The following ANK3 variants were observed in gnomAD, a reference collection of about 807,000 sequenced individuals.
ANK3 encodes the protein ankyrin 3.
In ANK3, 57 loss-of-function variants were observed where a neutral mutation model predicts 370.9. The ratio of observed to expected loss-of-function variants is 0.15; its 90% CI spans 0.12 to 0.19. The LOEUF is 0.19. Ranked by LOEUF, ANK3 falls within the 10% of genes least tolerant of loss-of-function variation. The pLI is 1.00. For missense variants in ANK3, 4,439 were observed against 5,302.1 expected (o/e 0.84, Z 5.06); for synonymous variants, 1,929 against 1,946.3 (o/e 0.99, Z 0.23).
chr10:60,439,923 G>T (rs78554060), intron 2 of ANK3, among the ~76,000 whole-genome samples: 14,206 of 152,152 alleles, frequency 0.093, 813 homozygotes, highest in South Asian at 0.16. Flanking sequence ...CCTAAACCAA[G>T]TGTAGCACAT....
At chr10:60,200,055 T>C in intron 13 of ANK3, 74 bp downstream of exon 13, 1 of 1,107,078 alleles carries the variant, frequency 9.0e-7, no homozygotes, top group South Asian at 1.3e-5. Context: ...AGACTGCATG[T>C]ATATACTTAA....
chr10:60,104,357 CAAAAAAAAAAAAAAAAAAAA>C (rs747064489), intron 28 of ANK3, among the ~76,000 whole-genome samples: 2 of 53,726 alleles, frequency 3.7e-5, no homozygotes, highest in Admixed American at 3.1e-4. Flanking sequence ...GACTCCATCT[CAAAAAAAAAAAAAAAAAAAA>C]AAAAAAAAAA....
chr10:60,426,895 C>T (rs909666597), intron 2 of ANK3, among the ~76,000 whole-genome samples: 6 of 152,034 alleles, frequency 3.9e-5, no homozygotes, highest in Non-Finnish European at 5.9e-5. Flanking sequence ...AAGGAAGAGG[C>T]TGAAATTTAA....
intron 1 of ANK3, among the ~76,000 whole-genome samples, chr10:60,649,583 T>C (rs2078759894): frequency 6.6e-6 from 1 of 152,230 alleles, no homozygotes; most frequent in African/African-American, 2.4e-5. Flanking sequence ...CTTTGAAATC[T>C]AGAACTAGTT....
intron 2 of ANK3, among the ~76,000 whole-genome samples, chr10:60,522,218 G>A (rs989332611): frequency 6.6e-6 from 1 of 151,976 alleles, no homozygotes; most frequent in East Asian, 1.9e-4. Context: ...ACCCACAAGC[G>A]CCTCCGTTTA....
chr10:60,260,459 TAAG>T (rs2097787447), intron 7 of ANK3, among the ~76,000 whole-genome samples: 1 of 152,184 alleles, frequency 6.6e-6, no homozygotes. Context: ...ATTTCTCTTC[TAAG>T]AAGTGAGGGT....
intron 1 of ANK3, among the ~76,000 whole-genome samples, chr10:60,651,514 C>A (rs556535805): frequency 6.6e-6 from 1 of 152,290 alleles, no homozygotes; most frequent in Admixed American, 6.5e-5. Flanking sequence ...TGCAAATGAA[C>A]TTCATGTTCT....
intron 8 of ANK3, among the ~76,000 whole-genome samples, chr10:60,225,019 C>T (rs1438435612): frequency 1.3e-5 from 2 of 151,286 alleles, no homozygotes; most frequent in Non-Finnish European, 2.9e-5. Context: ...GTTCAAGCAA[C>T]TCTCATGCAT....
intron 1 of ANK3, among the ~76,000 whole-genome samples, chr10:60,337,293 T>C (rs180736920): frequency 3.9e-5 from 6 of 152,262 alleles, no homozygotes; most frequent in African/African-American, 1.4e-4. Context: ...GGTAGTTCCA[T>C]GTCTTCCATG....
chr10:60,278,247 T>G (rs1192617134), intron 4 of ANK3, among the ~76,000 whole-genome samples: 1 of 152,226 alleles, frequency 6.6e-6, no homozygotes, highest in African/African-American at 2.4e-5. Context: ...TGTAAGACCC[T>G]GCATTACAGA....
rs187448353 is a variant in ANK3 at position 60,510,539 on chromosome 10, T to C, written c.96+104647A>G. On this transcript the variant is annotated intron_variant, in intron 2 of 43. Coordinates refer to the ANK3 transcript ENST00000373827. The stretch of plus-strand genomic sequence containing the variant: ...GATTTAGAAATGTAGCGTCAGAGCA[T>C]GGCACAGTAGCTCACGCCTATAACA... 3.9e-5 allele frequency among the ~76,000 whole-genome samples: 6 copies of C among 152,228 alleles called. No homozygotes were observed. In the East Asian group the frequency reaches 1.2e-3, roughly 29 times the overall value.
At chr10:60,081,242 G>A (rs1366022081) in intron 35 of ANK3, among the ~76,000 whole-genome samples, 3 of 152,054 alleles carry the variant, frequency 2.0e-5, no homozygotes, top group South Asian at 2.1e-4. Context: ...GCAGCACCAC[G>A]TCCAGCTAAT....
chr10:60,564,657 T>C (rs1202548394), intron 2 of ANK3, among the ~76,000 whole-genome samples: 3 of 152,150 alleles, frequency 2.0e-5, no homozygotes, highest in Non-Finnish European at 4.4e-5. Flanking sequence ...AAAAAATGAA[T>C]GTATGTTTGG....
At chr10:60,536,582 C>T (rs564651983) in intron 2 of ANK3, among the ~76,000 whole-genome samples, 132 of 151,920 alleles carry the variant, frequency 8.7e-4, no homozygotes, top group Non-Finnish European at 1.5e-3. Context: ...TGAAATATAC[C>T]CAACACAAGT....
At chr10:60,250,132 C>A (rs2132599650) in intron 7 of ANK3, among the ~76,000 whole-genome samples, 1 of 152,294 alleles carries the variant, frequency 6.6e-6, no homozygotes, top group East Asian at 1.9e-4. Context: ...ACTTCCATGA[C>A]TCAACTTTGG....
chr10:60,100,710 A>G (rs1463081383), intron 28 of ANK3, among the ~76,000 whole-genome samples: 1 of 152,218 alleles, frequency 6.6e-6, no homozygotes, highest in Non-Finnish European at 1.5e-5. Context: ...CTTCAGCAAC[A>G]TTTTGTTCCA....
At chr10:60,592,848 G>T (rs10740035) in intron 2 of ANK3, among the ~76,000 whole-genome samples, 102,257 of 152,062 alleles carry the variant, frequency 0.67, 35,194 homozygotes, top group South Asian at 0.88. Flanking sequence ...TCCTTCTGAC[G>T]GTTCTGGTAG....
At chr10:60,441,368 A>G (rs1323833848) in intron 2 of ANK3, among the ~76,000 whole-genome samples, 1 of 152,192 alleles carries the variant, frequency 6.6e-6, no homozygotes, top group Non-Finnish European at 1.5e-5. Flanking sequence ...AGGTGAAAGC[A>G]TTACTTTTAT....
At chr10:60,717,251 A>C (rs74157806) in intron 1 of ANK3, among the ~76,000 whole-genome samples, 2,208 of 149,890 alleles carry the variant, frequency 0.015, 50 homozygotes, top group African/African-American at 0.05. Context: ...AGAAGGAAGA[A>C]GTAGTGGTAC....
Sources: gnomAD v4.1 joint callset for allele counts (sites outside exome capture counted in the v4.1 genomes callset) on GRCh38, gnomAD v4.1.1 for gene constraint, MANE v1.5 for transcripts, NCBI Gene and HGNC (gene_info 2026-07-23, HGNC 2026-07-21) for gene names.